The following RABGAP1L variants were observed in gnomAD, a reference collection of about 807,000 sequenced individuals.
RABGAP1L encodes RAB GTPase activating protein 1 like, also known as rab GTPase-activating protein 1-like.
RABGAP1L carries 63 observed loss-of-function variants against 137.7 expected under a neutral mutation model. The observed-to-expected ratio is 0.46, with a 90% CI of 0.37 to 0.56. The LOEUF is 0.56. Ranked by LOEUF, RABGAP1L falls within the 20% of genes least tolerant of loss-of-function variation. RABGAP1L has a pLI of 0.00. For missense variants in RABGAP1L, 1,095 were observed against 1,244.0 expected (o/e 0.88, Z 1.80); for synonymous variants, 431 against 433.7 (o/e 0.99, Z 0.08).
chr1:174,388,805 T>C (rs1460601688), intron 12 of RABGAP1L, among the ~76,000 whole-genome samples: 1 of 152,034 alleles, frequency 6.6e-6, no homozygotes, highest in Non-Finnish European at 1.5e-5. Flanking sequence ...TAAGTGAACA[T>C]TGGAGGAAAA....
intron 15 of RABGAP1L, among the ~76,000 whole-genome samples, chr1:174,693,568 T>C (rs1679026900): frequency 1.3e-5 from 2 of 152,238 alleles, no homozygotes; most frequent in Non-Finnish European, 2.9e-5. Context: ...TCTACTGTTA[T>C]GCATCACTTT....
At chr1:174,260,101 G>A (rs1673463010) in intron 7 of RABGAP1L, among the ~76,000 whole-genome samples, 1 of 152,104 alleles carries the variant, frequency 6.6e-6, no homozygotes, top group Non-Finnish European at 1.5e-5. Context: ...CCAAAGTGCT[G>A]GGATTACAGG....
chr1:174,862,289 A>C (rs1274604154), intron 19 of RABGAP1L, among the ~76,000 whole-genome samples: 1 of 152,080 alleles, frequency 6.6e-6, no homozygotes, highest in Non-Finnish European at 1.5e-5. Flanking sequence ...ATCTTTACTG[A>C]TTTCATGTTA....
At chr1:174,848,621 C>G (rs1647517382) in intron 19 of RABGAP1L, among the ~76,000 whole-genome samples, 1 of 144,966 alleles carries the variant, frequency 6.9e-6, no homozygotes, top group Non-Finnish European at 1.5e-5. Context: ...AGAACCACTG[C>G]TCTCTTCAAA....
In RABGAP1L at chr1:174,264,907, CTTATT is replaced by C. The variant is rs1442576573; in HGVS notation, c.987-7502_987-7498del. Among the ~76,000 whole-genome samples the C allele has an allele frequency of 6.6e-5, 10 of 152,090 alleles. No homozygotes were observed. In the East Asian group the frequency reaches 1.7e-3, roughly 26 times the overall value. ...AACTCCAAGTCTAATCACTAGTTTT[CTTATT>C]TTATCAAAAGTTAATGTAGGTACTT... On this transcript the variant is annotated intron_variant, in intron 7 of 25. Transcript: ENST00000681986.
intron 1 of RABGAP1L, among the ~76,000 whole-genome samples, chr1:174,179,266 A>C (rs1028998827): frequency 3.9e-5 from 6 of 152,096 alleles, no homozygotes; most frequent in African/African-American, 1.4e-4. Flanking sequence ...TGTTCCATTG[A>C]GAGAAAATGT....
At chr1:174,242,431 A>G (rs1671904910) in intron 5 of RABGAP1L, among the ~76,000 whole-genome samples, 1 of 152,266 alleles carries the variant, frequency 6.6e-6, no homozygotes. Flanking sequence ...GCAATGTCTC[A>G]GGTATGTTTG....
chr1:174,936,662 C>T (rs1327794711), intron 19 of RABGAP1L, among the ~76,000 whole-genome samples: 3 of 152,138 alleles, frequency 2.0e-5, no homozygotes, highest in African/African-American at 7.2e-5. Flanking sequence ...ACCTAAATGA[C>T]TGGACACCTT....
At chr1:174,275,794 G>C (rs1171008114) in intron 8 of RABGAP1L, 39 bp from the exon 9 acceptor site, 1 of 1,437,288 alleles carries the variant, frequency 7.0e-7, no homozygotes, top group Non-Finnish European at 9.6e-7. Flanking sequence ...TGATTTTTTT[G>C]ATGTCTTTTA....
At chr1:174,587,633 T>G (rs1357923518) in intron 13 of RABGAP1L, among the ~76,000 whole-genome samples, 1 of 151,946 alleles carries the variant, frequency 6.6e-6, no homozygotes, top group Non-Finnish European at 1.5e-5. Flanking sequence ...ATTAAAAGAA[T>G]AAAATAATGT....
At chr1:174,261,680 G>C (rs1445155337) in intron 7 of RABGAP1L, among the ~76,000 whole-genome samples, 1 of 152,126 alleles carries the variant, frequency 6.6e-6, no homozygotes, top group African/African-American at 2.4e-5. Context: ...GCTCTAACTT[G>C]ATGTTAGACC....
intron 11 of RABGAP1L, among the ~76,000 whole-genome samples, chr1:174,332,595 C>T (rs1022742821): frequency 2.0e-5 from 3 of 151,940 alleles, no homozygotes; most frequent in African/African-American, 4.8e-5. Flanking sequence ...GGGGTTTTCC[C>T]ATTTTGGCCA....
At chr1:174,715,033 A>G (rs1380688780) in intron 17 of RABGAP1L, among the ~76,000 whole-genome samples, 2 of 152,180 alleles carry the variant, frequency 1.3e-5, no homozygotes, top group Non-Finnish European at 2.9e-5. Context: ...CGTAATCTTT[A>G]AAATTATAAT....
At chr1:174,413,842 T>A (rs1650227294) in intron 13 of RABGAP1L, among the ~76,000 whole-genome samples, 1 of 152,140 alleles carries the variant, frequency 6.6e-6, no homozygotes, top group African/African-American at 2.4e-5. Flanking sequence ...TACTTGATTC[T>A]TGTTTATTTT....
chr1:174,970,703 T>C (rs1670056081), intron 21 of RABGAP1L, among the ~76,000 whole-genome samples: 1 of 151,962 alleles, frequency 6.6e-6, no homozygotes, highest in African/African-American at 2.4e-5. Context: ...ATGAGGAAAC[T>C]AGAGATCCTC....
intron 13 of RABGAP1L, among the ~76,000 whole-genome samples, chr1:174,534,799 A>G (rs150622434): frequency 0.19 from 27,661 of 142,146 alleles, 3,466 homozygotes; most frequent in Admixed American, 0.23. Flanking sequence ...AAAAAAAAAA[A>G]AAAAATAATT....
At chr1:174,639,722 T>C (rs914615211) in intron 14 of RABGAP1L, among the ~76,000 whole-genome samples, 3 of 152,164 alleles carry the variant, frequency 2.0e-5, no homozygotes, top group Admixed American at 2.0e-4. Flanking sequence ...TGCCTTGTTA[T>C]GTAATATTTA....
chr1:174,596,355 A>G (rs1669916532), intron 13 of RABGAP1L, among the ~76,000 whole-genome samples: 3 of 151,992 alleles, frequency 2.0e-5, no homozygotes, highest in Admixed American at 6.6e-5. Context: ...AGCTGTTCCT[A>G]TTCGGCCATC....
At chr1:174,402,871 A>T (rs532473029) in intron 13 of RABGAP1L, among the ~76,000 whole-genome samples, 2 of 152,238 alleles carry the variant, frequency 1.3e-5, no homozygotes, top group East Asian at 1.9e-4. Flanking sequence ...TTTGAAATGG[A>T]GATTGTGTAT....
Sources: allele counts gnomAD v4.1 joint callset (sites outside exome capture counted in the v4.1 genomes callset), GRCh38; gene constraint gnomAD v4.1.1; transcripts MANE v1.5; gene names NCBI Gene and HGNC (gene_info 2026-07-23, HGNC 2026-07-21).